The following CCDC40 variants were observed in gnomAD, a reference collection of about 807,000 sequenced individuals.
CCDC40 encodes the protein coiled-coil domain-containing protein 40.
A neutral mutation model predicts 124.5 loss-of-function variants in CCDC40; 104 were observed. That is an observed-to-expected ratio of 0.84 (90% CI 0.71 to 0.98). The LOEUF is 0.98. Among genes scored for constraint, CCDC40 ranks in the 50% least tolerant of loss-of-function variants. The pLI is 0.00. For missense variants in CCDC40, 1,463 were observed against 1,503.9 expected, an observed-to-expected ratio of 0.97 and a Z score of 0.45; for synonymous variants, 580 against 602.9, an observed-to-expected ratio of 0.96 and a Z score of 0.56.
At chr17:80,095,926 G>A (rs977717525) in intron 18 of CCDC40, among the ~76,000 whole-genome samples, 45 of 152,200 alleles carry the variant, frequency 3.0e-4, no homozygotes, top group Non-Finnish European at 8.8e-5. Context: ...TGGGCGCCTC[G>A]AGAGCCTGCA....
At position 80,066,528 on chromosome 17, in the gene CCDC40, C is replaced by G. The variant is rs770073354; in HGVS notation, c.1562+922C>G. The G allele has an allele frequency of 4.8e-6, 1 of 208,474 alleles. No individual in the cohort carries two copies. The highest frequency in any genetic ancestry group is 2.3e-5 in the African/African-American group (1 of 42,768). The allele number at this position is 208,474 out of a possible 1,614,324, so 12.9% of individuals were successfully genotyped here. ...ATCCCAACATTTTGGGAGGCTGAGA[C>G]GGGTGGGTCACGAGGCCAGGAGTTC... On this transcript the variant is annotated intron_variant, in intron 10 of 19. Coordinates refer to ENST00000397545, the MANE Select transcript of CCDC40 (RefSeq NM_017950.4). The surrounding 1 kb of genome is among the most constrained non-coding windows in gnomAD (Gnocchi z 4.4).
chr17:80,086,168 TC>T lies in CCDC40; in HGVS notation c.2403del (p.Lys802ArgfsTer14). The T allele has an allele frequency of 1.2e-6, 2 of 1,613,704 alleles. No homozygotes were observed. Among genetic ancestry groups the T allele is most frequent in the Non-Finnish European group, 1.7e-6 (2 of 1,179,870 alleles). On this transcript the variant is annotated frameshift_variant, in exon 14 of 20. Transcript: ENST00000397545. LOFTEE classifies it high-confidence loss of function. This position sits in a 1 kb window ranked among gnomAD's most constrained non-coding sequence, Gnocchi z 5.5. ...QEEQLASLDASKKELHIMEQK... is the reference protein window; with the variant it reads ...QEEQLASLDAXKKELHIMEQK... ...GGAGCAGCTGGCCTCCCTGGACGCA[TC>T]CAAGAAGGAGCTCCACATCATGGAG...
intron 9 of CCDC40, 94 bp from the exon 10 acceptor site, chr17:80,065,391 G>A: frequency 6.6e-7 from 1 of 1,526,082 alleles, no homozygotes. Flanking sequence ...AAGGAAAAGA[G>A]GAAGATTTGG....
At chr17:80,072,603 C>T (rs1397581330) in intron 10 of CCDC40, among the ~76,000 whole-genome samples, 1 of 152,218 alleles carries the variant, frequency 6.6e-6, no homozygotes, top group Non-Finnish European at 1.5e-5. Context: ...ACCTCCAGCC[C>T]TGGCAACCGC....
chr17:80,041,156 C>G (rs1052614276), intron 3 of CCDC40, among the ~76,000 whole-genome samples: 1 of 152,112 alleles, frequency 6.6e-6, no homozygotes, highest in Non-Finnish European at 1.5e-5. Context: ...ATCTGGTCAC[C>G]AAAGCCTTCG....
At chr17:80,067,861 AG>A in intron 10 of CCDC40, 2 of 1,396,460 alleles carry the variant, frequency 1.4e-6, no homozygotes, top group Non-Finnish European at 1.9e-6. Flanking sequence ...CGATTGATGA[AG>A]AAAATAGATA....
chr17:80,090,386 CAG>C, intron 17 of CCDC40: 1 of 1,356,710 alleles, frequency 7.4e-7, no homozygotes, highest in Non-Finnish European at 9.9e-7. Flanking sequence ...AGGACACACA[CAG>C]CACGTGCATG....
At chr17:80,067,423 C>T (rs896216105) in intron 10 of CCDC40, 23 of 658,198 alleles carry the variant, frequency 3.5e-5, no homozygotes, top group African/African-American at 2.7e-4. Flanking sequence ...TGCGTTCACC[C>T]GGAGTCTTCC....
intron 18 of CCDC40, 149 bp downstream of exon 18, chr17:80,095,600 T>G: frequency 1.3e-6 from 1 of 748,256 alleles, no homozygotes; most frequent in Non-Finnish European, 2.2e-6. Context: ...TGCTGGGTGC[T>G]GGGTCTGGGG....
At position 80,081,838 on chromosome 17, in the gene CCDC40, T is replaced by C. The variant is rs1357022878; in HGVS notation, c.1807-38T>C. On this transcript the variant is annotated intron_variant, in intron 11 of 19. Coordinates refer to ENST00000397545, the MANE Select transcript of CCDC40 (RefSeq NM_017950.4). ...GTCACACCTGGCGCACGGTGGTGCC[T>C]CTTCAGGCACGTGCACCCTGTGGCT... is the stretch of plus-strand genomic sequence containing the variant. 2.5e-6 allele frequency: 4 copies of C among 1,613,932 alleles called. No homozygotes were observed. The Admixed American group carries it at 5.0e-5, about 20-fold the overall frequency.
chr17:80,056,298 C>T (rs1180870401), intron 7 of CCDC40, among the ~76,000 whole-genome samples: 1 of 151,946 alleles, frequency 6.6e-6, no homozygotes, highest in Non-Finnish European at 1.5e-5. Context: ...CTTAGCAACA[C>T]GTGCTGCGGA....
chr17:80,085,062 C>A, intron 13 of CCDC40, 74 bp downstream of exon 13: 1 of 1,568,696 alleles, frequency 6.4e-7, no homozygotes, highest in East Asian at 2.3e-5. Context: ...CCTCAGATCC[C>A]CCACGGTCAG....
intron 17 of CCDC40, among the ~76,000 whole-genome samples, chr17:80,091,790 AC>A: frequency 6.6e-6 from 1 of 151,898 alleles, no homozygotes; most frequent in South Asian, 2.1e-4. Context: ...TTTCTTCTAG[AC>A]TATGTTCCCA....
intron 10 of CCDC40, among the ~76,000 whole-genome samples, chr17:80,069,806 GAGAAAAAA>G (rs1047111776): frequency 6.8e-6 from 1 of 147,580 alleles, no homozygotes; most frequent in Admixed American, 6.6e-5. Flanking sequence ...GAGAGAGAGA[GAGAAAAAA>G]AGAAAGAAAG....
chr17:80,037,688 A>AAAAAAAAAAAATAT, intron 1 of CCDC40, among the ~76,000 whole-genome samples: 1 of 45,678 alleles, frequency 2.2e-5, no homozygotes, highest in African/African-American at 5.9e-5. Flanking sequence ...TTTTTTAAAA[A>AAAAAAAAAAAATAT]AGATATACAT....
chr17:80,092,852 T>G (rs1024218531), intron 17 of CCDC40, among the ~76,000 whole-genome samples: 1 of 152,222 alleles, frequency 6.6e-6, no homozygotes, highest in Admixed American at 6.5e-5. Flanking sequence ...ACGAAGAGCT[T>G]CTCTTCTGTT....
chr17:80,045,596 C>T (rs1279828827), intron 3 of CCDC40, among the ~76,000 whole-genome samples: 2 of 152,020 alleles, frequency 1.3e-5, no homozygotes, highest in Non-Finnish European at 2.9e-5. Context: ...CCCAGCTACT[C>T]AGGAGGCTGA....
chr17:80,048,876 C>A, intron 5 of CCDC40, 115 bp downstream of exon 5: 1 of 928,942 alleles, frequency 1.1e-6, no homozygotes. Context: ...ACTTGTATCT[C>A]GCCTGTTCAC....
At chr17:80,053,894 C>G (rs1250186645) in intron 7 of CCDC40, among the ~76,000 whole-genome samples, 2 of 152,190 alleles carry the variant, frequency 1.3e-5, no homozygotes, top group Admixed American at 6.5e-5. Context: ...TAGCATTTGA[C>G]CTACATGTCA....
Sources: gnomAD v4.1 joint callset for allele counts (sites outside exome capture counted in the v4.1 genomes callset) on GRCh38, gnomAD v4.1.1 for gene constraint, Gnocchi (gnomAD v3.1) non-coding constraint, MANE v1.5 for transcripts, NCBI Gene and HGNC (gene_info 2026-07-23, HGNC 2026-07-21) for gene names.